Variants in ADGRL3 observed in about 807,000 individuals in gnomAD.
ADGRL3 encodes adhesion G protein-coupled receptor L3, also known as calcium-independent alpha-latrotoxin receptor 3.
ADGRL3 carries 62 observed loss-of-function variants against 153.5 expected under a neutral mutation model. That is an observed-to-expected ratio of 0.40 (90% CI 0.33 to 0.50). The LOEUF is 0.50. Ranked by LOEUF, ADGRL3 falls within the 20% of genes least tolerant of loss-of-function variation. The pLI is 0.47. For synonymous variants in ADGRL3, 710 were observed against 672.5 expected (o/e 1.06, Z -0.86); for missense variants, 1,641 against 1,859.4 (o/e 0.88, Z 2.16).
intron 8 of ADGRL3, among the ~76,000 whole-genome samples, chr4:61,750,207 A>G (rs957173267): frequency 3.1e-5 from 4 of 127,814 alleles, no homozygotes; most frequent in Admixed American, 8.1e-5. Flanking sequence ...AAAAAAAAAA[A>G]GGCAGTATTC....
chr4:61,513,798 A>C (rs1173421998), intron 3 of ADGRL3, among the ~76,000 whole-genome samples: 1 of 152,202 alleles, frequency 6.6e-6, no homozygotes, highest in Non-Finnish European at 1.5e-5. Flanking sequence ...TTAAAAGATA[A>C]GCATGAAGTT....
At chr4:61,695,612 T>C (rs1397613950) in intron 6 of ADGRL3, among the ~76,000 whole-genome samples, 1 of 152,160 alleles carries the variant, frequency 6.6e-6, no homozygotes, top group Non-Finnish European at 1.5e-5. Flanking sequence ...CAACTTAAAT[T>C]CCCCAACTGT....
chr4:62,043,589 G>A (rs1178262117), intron 24 of ADGRL3, among the ~76,000 whole-genome samples: 2 of 152,000 alleles, frequency 1.3e-5, no homozygotes, highest in East Asian at 3.9e-4. Flanking sequence ...CCCATTGTAG[G>A]CATGGTTTCA....
intron 12 of ADGRL3, among the ~76,000 whole-genome samples, chr4:61,911,620 A>T (rs546529564): frequency 6.6e-6 from 1 of 152,306 alleles, no homozygotes; most frequent in East Asian, 1.9e-4. Context: ...GAGGGTTTAG[A>T]GTCCTGCAAA....
chr4:61,639,001 T>C (rs941165881), intron 5 of ADGRL3, among the ~76,000 whole-genome samples: 3 of 152,098 alleles, frequency 2.0e-5, no homozygotes, highest in African/African-American at 7.2e-5. Context: ...TGGCCTTTTA[T>C]GCTGACCACA....
chr4:61,998,318 A>G, intron 21 of ADGRL3, 53 bp downstream of exon 21: 2 of 880,392 alleles, frequency 2.3e-6, no homozygotes, highest in Non-Finnish European at 1.7e-6. Flanking sequence ...TTATACTCCA[A>G]ACTATCCTTT....
At chr4:61,891,502 A>G (rs1262777769) in intron 9 of ADGRL3, among the ~76,000 whole-genome samples, 1 of 152,170 alleles carries the variant, frequency 6.6e-6, no homozygotes, top group Non-Finnish European at 1.5e-5. Context: ...ATATTCAAAA[A>G]TATCCCATCC....
chr4:61,795,205 G>A (rs1215188493), intron 8 of ADGRL3, among the ~76,000 whole-genome samples: 1 of 152,160 alleles, frequency 6.6e-6, no homozygotes, highest in Non-Finnish European at 1.5e-5. Context: ...ATAGCTCACT[G>A]CAACCTCGAA....
intron 17 of ADGRL3, among the ~76,000 whole-genome samples, chr4:61,956,777 C>A (rs2150413634): frequency 6.6e-6 from 1 of 152,250 alleles, no homozygotes; most frequent in Admixed American, 6.5e-5. Flanking sequence ...TTCCCAGCAC[C>A]ATTTATTGAA....
chr4:61,248,515 A>G (rs1003911004), intron 1 of ADGRL3, among the ~76,000 whole-genome samples: 1 of 152,146 alleles, frequency 6.6e-6, no homozygotes, highest in African/African-American at 2.4e-5. Flanking sequence ...ATAATATTGA[A>G]TGTCTTTTGG....
At chr4:61,381,819 G>A (rs2096672282) in intron 1 of ADGRL3, among the ~76,000 whole-genome samples, 1 of 151,864 alleles carries the variant, frequency 6.6e-6, no homozygotes, top group Non-Finnish European at 1.5e-5. Flanking sequence ...TTAAGCAGTT[G>A]ATTAAAAATT....
intron 6 of ADGRL3, among the ~76,000 whole-genome samples, chr4:61,709,337 CTGAGTA>C (rs998588066): frequency 6.6e-6 from 1 of 152,010 alleles, no homozygotes; most frequent in African/African-American, 2.4e-5. Flanking sequence ...TAATTATTAC[CTGAGTA>C]TAAGTCATTT....
chr4:61,210,682 A>G (rs551558125), intron 1 of ADGRL3, among the ~76,000 whole-genome samples: 47 of 152,232 alleles, frequency 3.1e-4, no homozygotes, highest in African/African-American at 1.1e-3. Flanking sequence ...TTTTTCATTA[A>G]CACCTTTTGT....
intron 2 of ADGRL3, among the ~76,000 whole-genome samples, chr4:61,476,344 C>T (rs1188319882): frequency 6.6e-6 from 1 of 152,052 alleles, no homozygotes; most frequent in East Asian, 1.9e-4. Context: ...TCTCATGCCT[C>T]AGCCCCCAGG....
intron 9 of ADGRL3, among the ~76,000 whole-genome samples, chr4:61,850,851 G>GA (rs1465952135): frequency 6.6e-6 from 1 of 152,074 alleles, no homozygotes; most frequent in African/African-American, 2.4e-5. Flanking sequence ...AGGGAAGAGA[G>GA]AAAAAATAAC....
At chr4:61,665,849 G>A (rs1244950666) in intron 5 of ADGRL3, among the ~76,000 whole-genome samples, 1 of 152,112 alleles carries the variant, frequency 6.6e-6, no homozygotes, top group African/African-American at 2.4e-5. Context: ...AGCCTGACTA[G>A]CCTCAGTACC....
In ADGRL3 at chr4:61,558,675, TTATC is replaced by T. The variant is rs563864262; in HGVS notation, c.260-28542_260-28539del. Among the ~76,000 whole-genome samples, 370 of 152,116 alleles carry T rather than the reference TTATC, an allele frequency of 2.4e-3. 1 individual carries two copies. Among genetic ancestry groups the T allele is most frequent in the African/African-American group, 8.4e-3 (350 of 41,536 alleles). ...CCTGCCTGCCTGTCTATGTGTCTAT[TTATC>T]TATCTATCTCTTTCACTATATCTGG... On this transcript the variant is annotated intron_variant, in intron 4 of 26. Transcript: ENST00000683033.
At chr4:61,490,285 A>G (rs1475956347) in intron 2 of ADGRL3, among the ~76,000 whole-genome samples, 1 of 84,992 alleles carries the variant, frequency 1.2e-5, no homozygotes, top group African/African-American at 3.1e-5. Context: ...ATTTGGATTT[A>G]TATTTTACCA....
chr4:61,514,868 A>AT (rs1221084127), intron 3 of ADGRL3, among the ~76,000 whole-genome samples: 2 of 151,696 alleles, frequency 1.3e-5, no homozygotes, highest in African/African-American at 2.4e-5. Flanking sequence ...TATTTTTCAG[A>AT]TTTTTTTCAT....
Sources: gnomAD v4.1 joint callset for allele counts (sites outside exome capture counted in the v4.1 genomes callset) on GRCh38, gnomAD v4.1.1 for gene constraint, MANE v1.5 for transcripts, NCBI Gene and HGNC (gene_info 2026-07-23, HGNC 2026-07-21) for gene names.